SEMA5A: variants seen among roughly 807,000 people sequenced by gnomAD.
The protein encoded by SEMA5A is semaphorin-5A.
A neutral mutation model predicts 135.5 loss-of-function variants in SEMA5A; 55 were observed. That is an observed-to-expected ratio of 0.41 (90% CI 0.33 to 0.51). SEMA5A has a LOEUF of 0.51. Among genes scored for constraint, SEMA5A ranks in the 20% least tolerant of loss-of-function variants. The pLI is 0.37. For synonymous variants in SEMA5A, 580 were observed against 546.5 expected (o/e 1.06, Z -0.85); for missense variants, 1,290 against 1,419.9 (o/e 0.91, Z 1.47).
chr5:9,496,647 G>T (rs1358470068), intron 1 of SEMA5A, among the ~76,000 whole-genome samples: 1 of 152,096 alleles, frequency 6.6e-6, no homozygotes, highest in African/African-American at 2.4e-5. Flanking sequence ...GTCAAAATTT[G>T]AAATTCAGAG....
intron 5 of SEMA5A, among the ~76,000 whole-genome samples, chr5:9,287,602 T>G (rs2150577235): frequency 6.6e-6 from 1 of 152,350 alleles, no homozygotes; most frequent in South Asian, 2.1e-4. Context: ...TATGTTACCC[T>G]AGTACAGGAC....
chr5:9,044,339 C>G (rs779116379), intron 22 of SEMA5A, 34 bp downstream of exon 22: 1 of 1,567,386 alleles, frequency 6.4e-7, no homozygotes, highest in Non-Finnish European at 8.8e-7. Context: ...TAAGGAAAAC[C>G]AGGCACTTAG....
intron 2 of SEMA5A, among the ~76,000 whole-genome samples, chr5:9,429,167 C>A (rs1757771111): frequency 6.6e-6 from 1 of 152,136 alleles, no homozygotes; most frequent in South Asian, 2.1e-4. Context: ...AAATATCTAC[C>A]CACTGAACAA....
intron 8 of SEMA5A, among the ~76,000 whole-genome samples, chr5:9,218,637 C>CA (rs201329875): frequency 0.01 from 1,589 of 152,270 alleles, 25 homozygotes; most frequent in African/African-American, 0.037. Flanking sequence ...AAAAATGTTG[C>CA]AAAAAACTGA....
Position 9,207,099 on chromosome 5 carries a change from A to AGT in SEMA5A, c.647-4861_647-4860dup, listed in dbSNP as rs1335345691. ...TTCACATAATGATAATGAATGATCAAGTGTATATATATATATATATATATA... is the reference window on the plus strand; with the variant it reads ...TTCACATAATGATAATGAATGATCAAGTGTGTATATATATATATATATATATA... On this transcript the variant is annotated intron_variant, in intron 8 of 22. Transcript: ENST00000382496. Among the ~76,000 whole-genome samples the AGT allele has an allele frequency of 3.9e-3, 63 of 16,066 alleles. 1 individual carries two copies. The highest frequency in any genetic ancestry group is 6.3e-3 in the African/African-American group (32 of 5,076). 10.5% of individuals were successfully genotyped at this position (16,066 alleles called of 152,430 possible). A position where few individuals can be genotyped will look rare whatever the true frequency, so the allele number is the denominator to read the frequency against.
intron 11 of SEMA5A, among the ~76,000 whole-genome samples, chr5:9,173,476 C>A (rs1163989438): frequency 6.6e-6 from 1 of 152,078 alleles, no homozygotes; most frequent in East Asian, 1.9e-4. Context: ...AGGGTGCCTG[C>A]AGATTTGATG....
chr5:9,433,973 T>G (rs535235280), intron 2 of SEMA5A, among the ~76,000 whole-genome samples: 14 of 152,306 alleles, frequency 9.2e-5, no homozygotes, highest in African/African-American at 2.9e-4. Context: ...TTGCTATTGT[T>G]TTTGAAGCAT....
At chr5:9,333,168 G>C (rs2526127) in intron 4 of SEMA5A, among the ~76,000 whole-genome samples, 4 of 152,012 alleles carry the variant, frequency 2.6e-5, no homozygotes, top group African/African-American at 9.7e-5. Context: ...GTTAAAAAAT[G>C]TTTTCATTTA....
chr5:9,421,864 T>C (rs1757482045), intron 2 of SEMA5A, among the ~76,000 whole-genome samples: 3 of 152,238 alleles, frequency 2.0e-5, no homozygotes. Flanking sequence ...CTTGAATTTT[T>C]CTCATCAATT....
intron 3 of SEMA5A, 94 bp from the exon 4 acceptor site, chr5:9,337,906 T>A (rs752032779): frequency 2.4e-6 from 2 of 840,052 alleles, no homozygotes; most frequent in African/African-American, 1.7e-5. Context: ...AGACGTTACA[T>A]TTCAGAGAGG....
At chr5:9,184,233 C>G (rs913949490) in intron 11 of SEMA5A, among the ~76,000 whole-genome samples, 1 of 147,692 alleles carries the variant, frequency 6.8e-6, no homozygotes, top group Non-Finnish European at 1.5e-5. Flanking sequence ...ATCCTGAGAC[C>G]ATGTGATTTT....
intron 5 of SEMA5A, among the ~76,000 whole-genome samples, chr5:9,300,093 C>G (rs1414774456): frequency 6.6e-6 from 1 of 152,182 alleles, no homozygotes; most frequent in East Asian, 1.9e-4. Context: ...CTGGCACTAT[C>G]ATGGCTCACT....
chr5:9,213,926 G>GGGC (rs1339133645), intron 8 of SEMA5A, among the ~76,000 whole-genome samples: 1 of 152,088 alleles, frequency 6.6e-6, no homozygotes, highest in East Asian at 1.9e-4. Flanking sequence ...AGTAAAATGG[G>GGGC]GGCTCTCGTA....
At chr5:9,525,650 A>G (rs1737084392) in intron 1 of SEMA5A, among the ~76,000 whole-genome samples, 1 of 152,196 alleles carries the variant, frequency 6.6e-6, no homozygotes, top group Non-Finnish European at 1.5e-5. Context: ...AACTTCAATC[A>G]CTGGGACACC....
rs1418223706 is a variant in SEMA5A at position 9,037,232 on chromosome 5, A to G, written c.*5665T>C. The G allele has an allele frequency of 2.0e-5, 3 of 152,334 alleles. No homozygotes were observed. The East Asian group carries it at 5.8e-4, about 29-fold the overall frequency. 9.4% of individuals were successfully genotyped at this position (152,334 alleles called of 1,614,324 possible). ...TGCCATTGCGCCAACACTGTAAAAC[A>G]TGTTTGCTTGAGCAAGAATTGATAT... On this transcript the variant is annotated 3_prime_UTR_variant, in exon 23 of 23. Coordinates refer to ENST00000382496, the MANE Select transcript of SEMA5A (RefSeq NM_003966.3).
Position 9,044,444 on chromosome 5 carries a change from C to T in SEMA5A, c.3034G>A (p.Ala1012Thr), listed in dbSNP as rs1461757810. The change falls in exon 22 of 23, where the codon GCC (alanine) becomes ACC (threonine). Residue 1012 changes from alanine to threonine, a missense_variant. Physicochemically the swap from Ala to Thr is moderately conservative, Grantham distance 58. Around this residue, in one of 3 missense-constraint regions of SEMA5A, gnomAD observed 1,029 missense variants for 1,086.6 expected, o/e 0.95. Transcript: ENST00000382496. ...DATVIHPVSP[A>T]PLNTSITNHI... ...TTGGTTATGCTGGTATTAAGGGGGG[C>T]AGGTGAGACGGGGTGGATGACAGTC... 2.9e-5 allele frequency: 47 copies of T among 1,613,844 alleles called. No individual in the cohort carries two copies. The highest frequency in any genetic ancestry group is 4.0e-5 in the Non-Finnish European group (47 of 1,179,968).
chr5:9,480,992 T>G (rs1759855652), intron 1 of SEMA5A, among the ~76,000 whole-genome samples: 1 of 152,130 alleles, frequency 6.6e-6, no homozygotes, highest in African/African-American at 2.4e-5. Flanking sequence ...GTTGCCCAGG[T>G]TGGAGTGCAG....
chr5:9,542,418 G>A (rs151078182), intron 1 of SEMA5A, among the ~76,000 whole-genome samples: 177 of 152,278 alleles, frequency 1.2e-3, no homozygotes, highest in African/African-American at 4.0e-3. Context: ...ACTTATAGAC[G>A]CTCATTTTAT....
chr5:9,058,164 CATT>C (rs1478859430), intron 18 of SEMA5A, among the ~76,000 whole-genome samples: 2 of 152,128 alleles, frequency 1.3e-5, no homozygotes, highest in South Asian at 2.1e-4. Context: ...AAAAAAATAA[CATT>C]AGTAATAGTA....
Sources: allele counts gnomAD v4.1 joint callset (sites outside exome capture counted in the v4.1 genomes callset), GRCh38; gene constraint gnomAD v4.1.1; regional missense constraint gnomAD v4.1.1; transcripts MANE v1.5; gene names NCBI Gene and HGNC (gene_info 2026-07-23, HGNC 2026-07-21).